FAM184A: variants seen among roughly 807,000 people sequenced by gnomAD.
FAM184A encodes the protein family with sequence similarity 184 member A, also known as protein FAM184A.
Under a neutral mutation model 143.8 loss-of-function variants are expected in FAM184A, and 99 were observed. The ratio of observed to expected loss-of-function variants is 0.69; its 90% CI spans 0.58 to 0.81. FAM184A has a LOEUF of 0.81. FAM184A is among the 40% of genes least tolerant of loss of function. FAM184A has a pLI of 0.00. For missense variants in FAM184A, 1,217 were observed against 1,310.5 expected, an observed-to-expected ratio of 0.93 and a Z score of 1.10; for synonymous variants, 427 against 446.4, an observed-to-expected ratio of 0.96 and a Z score of 0.55.
rs1223795775 is a variant in FAM184A at position 119,024,326 on chromosome 6, T to C, written c.647A>G (p.Gln216Arg). The change falls in exon 2 of 18, where the codon CAG becomes CGG. Residue 216 changes from glutamine to arginine, a missense_variant. Coordinates refer to ENST00000338891, the MANE Select transcript of FAM184A (RefSeq NM_024581.6). ...TCTGTGTAGTTCCTCTGCCTTTTCC[T>C]GGCCTTTATTTACTGAGGCACTGTG... ...QDHSASVNKGQEKAEELHRME... is the reference protein window; with the variant it reads ...QDHSASVNKGREKAEELHRME... The C allele has an allele frequency of 6.2e-7, 1 of 1,614,220 alleles. No individual in the cohort carries two copies. Among genetic ancestry groups the C allele is most frequent in the Admixed American group, 1.7e-5 (1 of 60,030 alleles).
intron 1 of FAM184A, among the ~76,000 whole-genome samples, chr6:119,084,552 G>A (rs1017421087): frequency 1.3e-5 from 2 of 152,218 alleles, no homozygotes; most frequent in African/African-American, 2.4e-5. Flanking sequence ...AGTGCCTGTG[G>A]CATTTCCAGG....
chr6:118,967,614 A>AG (rs1257938016), intron 14 of FAM184A, among the ~76,000 whole-genome samples: 2 of 152,190 alleles, frequency 1.3e-5, no homozygotes, highest in Admixed American at 1.3e-4. Context: ...GAACGTTAAA[A>AG]TATAGGCCAC....
In FAM184A at chr6:119,006,559, G is replaced by A. The variant is rs367660731; in HGVS notation, c.1703C>T (p.Ser568Phe). ...MVRKSEQGLG[S>F]AEGLIASLQD... ...AAGACTAGCAATAAGTCCTTCTGCA[G>A]AGCCAAGACCTTGTTCACTTTTCCT... Residue 568 changes from serine (S) to phenylalanine (F), a missense_variant, in exon 7 of 18, where the codon TCT becomes TTT. By Grantham distance (155) the Ser-to-Phe change is radical. Transcript: ENST00000338891. 50 of 1,613,838 alleles carry A rather than the reference G, an allele frequency of 3.1e-5. No homozygotes were observed. Among genetic ancestry groups the A allele is most frequent in the Non-Finnish European group, 4.2e-5 (50 of 1,179,938 alleles).
At position 119,002,959 on chromosome 6, in the gene FAM184A, A is replaced by G. The variant is rs1233857206; in HGVS notation, c.2028T>C (p.Asp676=). ...AATCTCTTGCTGCATTTTTCTCTCG[A>G]TCTTTCAACTGCAAAAGTTGAGACA... ...SAMSQLLQLK[D]REKNAARDSW... The change falls in exon 9 of 18, where the codon GAT becomes GAC. Residue 676 remains aspartate (D), a synonymous_variant. Transcript: ENST00000338891. The G allele has an allele frequency of 6.2e-7, 1 of 1,612,626 alleles. No homozygotes were observed. The highest frequency in any genetic ancestry group is 1.3e-5 in the African/African-American group (1 of 74,886).
At chr6:119,125,968 A>T (rs1360887812) in intron 1 of FAM184A, among the ~76,000 whole-genome samples, 2 of 152,212 alleles carry the variant, frequency 1.3e-5, no homozygotes, top group Non-Finnish European at 2.9e-5. Context: ...GGCTTAAAAC[A>T]ACAGCTTATT....
At chr6:119,117,469 G>A (rs2114856281) in intron 1 of FAM184A, among the ~76,000 whole-genome samples, 2 of 152,348 alleles carry the variant, frequency 1.3e-5, no homozygotes, top group South Asian at 4.1e-4. Flanking sequence ...TTTGAGTACA[G>A]CAATGTATAA....
intron 11 of FAM184A, among the ~76,000 whole-genome samples, chr6:118,977,986 A>G (rs113320639): frequency 0.17 from 25,978 of 152,114 alleles, 2,471 homozygotes; most frequent in African/African-American, 0.26. Flanking sequence ...TTTTTGAGAC[A>G]GAGTTTTGCT....
At chr6:119,113,408 G>A (rs1027669740) in intron 1 of FAM184A, among the ~76,000 whole-genome samples, 2 of 152,070 alleles carry the variant, frequency 1.3e-5, no homozygotes, top group African/African-American at 2.4e-5. Flanking sequence ...TTGGTGCCTG[G>A]ATGTGGAGAC....
chr6:119,021,467 A>C (rs991561454), intron 3 of FAM184A, among the ~76,000 whole-genome samples: 5 of 152,220 alleles, frequency 3.3e-5, no homozygotes, highest in African/African-American at 4.8e-5. Context: ...AACTGCTGTA[A>C]TTTACAAACT....
intron 1 of FAM184A, among the ~76,000 whole-genome samples, chr6:119,070,852 C>A (rs1787660121): frequency 6.6e-6 from 1 of 151,984 alleles, no homozygotes; most frequent in African/African-American, 2.4e-5. Context: ...TCATTCACAT[C>A]CTTTCCATTT....
chr6:118,993,183 T>C (rs1402844145), intron 9 of FAM184A, among the ~76,000 whole-genome samples: 1 of 152,226 alleles, frequency 6.6e-6, no homozygotes, highest in Non-Finnish European at 1.5e-5. Context: ...TTTTTGAGAT[T>C]CATGAAAAGA....
intron 1 of FAM184A, among the ~76,000 whole-genome samples, chr6:119,094,953 T>C (rs918445101): frequency 6.6e-6 from 1 of 152,172 alleles, no homozygotes; most frequent in Non-Finnish European, 1.5e-5. Flanking sequence ...TATTTCTCCT[T>C]TGGGCTTGCC....
At chr6:119,081,953 C>T (rs558972693), upstream of FAM184A, among the ~76,000 whole-genome samples, 1 of 152,346 alleles carries the variant, frequency 6.6e-6, no homozygotes, top group East Asian at 1.9e-4. Flanking sequence ...CACTGATGTG[C>T]TCCTCTTGAC....
At chr6:119,143,713 G>A (rs1347650846) in intron 1 of FAM184A, among the ~76,000 whole-genome samples, 1 of 152,138 alleles carries the variant, frequency 6.6e-6, no homozygotes, top group Non-Finnish European at 1.5e-5. Flanking sequence ...AGTCACAAAA[G>A]GACACACACT....
chr6:118,960,420 C>G (rs1459624532), intron 17 of FAM184A, among the ~76,000 whole-genome samples: 1 of 152,128 alleles, frequency 6.6e-6, no homozygotes, highest in Admixed American at 6.5e-5. Context: ...TCACAACAAT[C>G]ACAAAGAACA....
intron 9 of FAM184A, among the ~76,000 whole-genome samples, chr6:118,994,009 C>CAA (rs1469238275): frequency 6.6e-6 from 1 of 152,226 alleles, no homozygotes; most frequent in Non-Finnish European, 1.5e-5. Context: ...AAGGTGTCAT[C>CAA]AGGGCTTCCT....
At chr6:118,963,637 T>C (rs1783402530) in intron 16 of FAM184A, 1 of 152,118 alleles carries the variant, frequency 6.6e-6, no homozygotes, top group South Asian at 2.1e-4. Context: ...GGTAAAGTCC[T>C]AATAAAAATT....
intron 1 of FAM184A, among the ~76,000 whole-genome samples, chr6:119,128,690 A>T (rs890598606): frequency 6.6e-6 from 1 of 152,232 alleles, no homozygotes; most frequent in African/African-American, 2.4e-5. Context: ...GCCCCCAGTT[A>T]CAATAAAATA....
At chr6:118,988,416 G>GGTAA (rs1297539421) in intron 9 of FAM184A, among the ~76,000 whole-genome samples, 2 of 152,148 alleles carry the variant, frequency 1.3e-5, no homozygotes, top group East Asian at 3.8e-4. Context: ...AAAAGATGAT[G>GGTAA]GTTACTGAGG....
Sources: gnomAD v4.1 joint callset for allele counts (sites outside exome capture counted in the v4.1 genomes callset) on GRCh38, gnomAD v4.1.1 for gene constraint, MANE v1.5 for transcripts, NCBI Gene and HGNC (gene_info 2026-07-23, HGNC 2026-07-21) for gene names.